The following AGBL1 variants were observed in gnomAD, a reference collection of about 807,000 sequenced individuals.
AGBL1 encodes cytosolic carboxypeptidase 4.
In AGBL1, 130 loss-of-function variants were observed where a neutral mutation model predicts 118.9. The observed-to-expected ratio is 1.09, with a 90% CI of 0.95 to 1.26. The LOEUF (loss-of-function observed/expected upper bound fraction) is 1.26, where lower values mean the gene tolerates loss of function less well. AGBL1 is among the 50% of genes most tolerant of loss of function. The pLI is 0.00. For missense variants in AGBL1, 1,584 were observed against 1,298.1 expected (o/e 1.22, Z -3.38); for synonymous variants, 555 against 478.9 (o/e 1.16, Z -2.08).
chr15:86,741,094 C>T (rs2077671229), intron 22 of AGBL1, among the ~76,000 whole-genome samples: 1 of 152,044 alleles, frequency 6.6e-6, no homozygotes, highest in Non-Finnish European at 1.5e-5. Context: ...CAGAACACTA[C>T]ACATCATTTG....
intron 3 of AGBL1, among the ~76,000 whole-genome samples, chr15:86,153,174 G>A (rs959361250): frequency 1.3e-5 from 2 of 152,042 alleles, no homozygotes; most frequent in African/African-American, 4.8e-5. Context: ...TATACCCAAA[G>A]GATTATAAAT....
chr15:86,181,044 C>T (rs2077545563), intron 5 of AGBL1, among the ~76,000 whole-genome samples: 1 of 152,094 alleles, frequency 6.6e-6, no homozygotes, highest in Admixed American at 6.5e-5. Flanking sequence ...AGAACACCAA[C>T]ACTCACACTT....
intron 23 of AGBL1, among the ~76,000 whole-genome samples, chr15:86,926,591 C>T (rs2080543200): frequency 6.6e-6 from 1 of 152,190 alleles, no homozygotes; most frequent in African/African-American, 2.4e-5. Flanking sequence ...GGTGTGAAAG[C>T]TCTAATAGGA....
At chr15:86,478,473 C>A (rs2082595804) in intron 18 of AGBL1, among the ~76,000 whole-genome samples, 1 of 152,146 alleles carries the variant, frequency 6.6e-6, no homozygotes, top group African/African-American at 2.4e-5. Context: ...GAGTGAACTG[C>A]CATTCACAAT....
intron 23 of AGBL1, among the ~76,000 whole-genome samples, chr15:86,932,671 C>T (rs922723050): frequency 1.3e-5 from 2 of 151,700 alleles, no homozygotes; most frequent in Non-Finnish European, 3.0e-5. Context: ...TTTCCAAAAT[C>T]GCTTTGCAAT....
chr15:87,009,205 C>T (rs1237486102), intron 24 of AGBL1, among the ~76,000 whole-genome samples: 3 of 152,080 alleles, frequency 2.0e-5, no homozygotes, highest in East Asian at 3.9e-4. Flanking sequence ...AGTACAGGGT[C>T]CCTATGCTAT....
chr15:86,274,374 T>C (rs2079211222), intron 15 of AGBL1, among the ~76,000 whole-genome samples: 1 of 152,180 alleles, frequency 6.6e-6, no homozygotes, highest in African/African-American at 2.4e-5. Flanking sequence ...GTAGGCTATG[T>C]CCATTCTGCC....
chr15:86,986,921 G>A (rs1412498321), intron 23 of AGBL1, among the ~76,000 whole-genome samples: 2 of 152,036 alleles, frequency 1.3e-5, no homozygotes, highest in African/African-American at 4.8e-5. Flanking sequence ...AGATATGGGT[G>A]GGGTCGTTTT....
intron 16 of AGBL1, among the ~76,000 whole-genome samples, chr15:86,290,679 A>C (rs1312773459): frequency 6.7e-6 from 1 of 148,566 alleles, no homozygotes; most frequent in Admixed American, 6.7e-5. Context: ...ATTATTTTTT[A>C]TTTATTTTTT....
At chr15:86,692,491 G>A (rs1398166663) in intron 22 of AGBL1, among the ~76,000 whole-genome samples, 1 of 152,046 alleles carries the variant, frequency 6.6e-6, no homozygotes, top group African/African-American at 2.4e-5. Context: ...AGGAACTGCA[G>A]CCTTAGGTCA....
intron 1 of AGBL1, among the ~76,000 whole-genome samples, chr15:86,101,546 G>A (rs1289338658): frequency 6.6e-6 from 1 of 150,540 alleles, no homozygotes; most frequent in African/African-American, 2.4e-5. Flanking sequence ...AAATCTTTGT[G>A]CTCTGGTGTT....
At position 86,388,861 on chromosome 15, in the gene AGBL1, C is replaced by T. The variant is rs1037351861; in HGVS notation, c.2375-8505C>T. Among the ~76,000 whole-genome samples the T allele has an allele frequency of 1.4e-4, 21 of 152,230 alleles. No homozygotes were observed. In the East Asian group the frequency reaches 1.7e-3, roughly 13 times the overall value. On this transcript the variant is annotated intron_variant, in intron 17 of 22. Coordinates refer to ENST00000614907, the MANE Select transcript of AGBL1 (RefSeq NM_001386094.1). ...ACCAAAGGAATAATACAGGTGAAAA[C>T]GCCTTCTCTGCTGCAAGGTGCTATA...
chr15:87,010,089 A>G (rs1596737107), intron 24 of AGBL1, among the ~76,000 whole-genome samples: 2 of 152,084 alleles, frequency 1.3e-5, no homozygotes, highest in East Asian at 2.0e-4. Context: ...GGGAGGGGCC[A>G]GGGGTGGAAT....
intron 22 of AGBL1, among the ~76,000 whole-genome samples, chr15:86,807,608 G>A (rs536481380): frequency 1.4e-4 from 21 of 152,226 alleles, no homozygotes; most frequent in Non-Finnish European, 2.4e-4. Flanking sequence ...TGGAAGTCCT[G>A]GGTGTTGTGG....
chr15:86,372,614 G>A (rs1032902562), intron 17 of AGBL1, among the ~76,000 whole-genome samples: 10 of 152,282 alleles, frequency 6.6e-5, no homozygotes, highest in African/African-American at 2.2e-4. Context: ...AGTTCATTCC[G>A]ATTTGGAATA....
chr15:86,131,453 A>G (rs2076817381), intron 1 of AGBL1, among the ~76,000 whole-genome samples: 1 of 152,086 alleles, frequency 6.6e-6, no homozygotes, highest in Non-Finnish European at 1.5e-5. Context: ...TTTTTTTTAA[A>G]CTTGCTATAT....
In AGBL1 at chr15:86,301,641, GGTGTGTGTGTGTGTGTGTGTGTGT is replaced by G. The variant is rs60282415; in HGVS notation, c.2374+6263_2374+6286del. Among the ~76,000 whole-genome samples, 32 of 137,332 alleles carry G rather than the reference GGTGTGTGTGTGTGTGTGTGTGTGT, an allele frequency of 2.3e-4. 1 individual carries two copies. The South Asian group carries it at 3.1e-3, about 13-fold the overall frequency. The allele number at this position is 137,332 out of a possible 152,430, so 90.1% of individuals were successfully genotyped here. On this transcript the variant is annotated intron_variant, in intron 17 of 22. Transcript: ENST00000614907. ...TCACTGAGGTACTCATAATCTACAGGGTGTGTGTGTGTGTGTGTGTGTGTGTGTGTGTGTGTGTGTGTGTGTGTG... is the reference window on the plus strand; with the variant it reads ...TCACTGAGGTACTCATAATCTACAGGGTGTGTGTGTGTGTGTGTGTGTGTG...
At chr15:86,680,565 C>CTTTTTTTTTTTTTTTTTTTTTTTCT (rs34873609) in intron 22 of AGBL1, among the ~76,000 whole-genome samples, 6 of 94,682 alleles carry the variant, frequency 6.3e-5, no homozygotes, top group African/African-American at 8.5e-5. Flanking sequence ...TCTTTCTTTT[C>CTTTTTTTTTTTTTTTTTTTTTTTCT]TTTTTTTTTT....
At chr15:86,830,451 G>T (rs2079088972) in intron 22 of AGBL1, among the ~76,000 whole-genome samples, 1 of 152,148 alleles carries the variant, frequency 6.6e-6, no homozygotes, top group Admixed American at 6.5e-5. Context: ...GGAGGCTTCA[G>T]TCACCAGGTG....
Sources: gnomAD v4.1 joint callset for allele counts (sites outside exome capture counted in the v4.1 genomes callset) on GRCh38, gnomAD v4.1.1 for gene constraint, MANE v1.5 for transcripts, NCBI Gene and HGNC (gene_info 2026-07-23, HGNC 2026-07-21) for gene names.